The following UNC13C variants were observed in gnomAD, a reference collection of about 807,000 sequenced individuals.
UNC13C encodes unc-13 homolog C.
Under a neutral mutation model 245.4 loss-of-function variants are expected in UNC13C, and 174 were observed. The ratio of observed to expected loss-of-function variants is 0.71; its 90% CI spans 0.63 to 0.80. The LOEUF is 0.80. Among genes scored for constraint, UNC13C ranks in the 30% least tolerant of loss-of-function variants. The pLI is 0.00. For synonymous variants in UNC13C, 992 were observed against 895.1 expected, an observed-to-expected ratio of 1.11 and a Z score of -1.93; for missense variants, 2,829 against 2,602.9, an observed-to-expected ratio of 1.09 and a Z score of -1.89.
chr15:54,181,376 G>C (rs1438573091), intron 4 of UNC13C, among the ~76,000 whole-genome samples: 1 of 152,064 alleles, frequency 6.6e-6, no homozygotes, highest in Non-Finnish European at 1.5e-5. Context: ...TTTTGTACAA[G>C]TACCAAGCTG....
chr15:54,090,437 A>G (rs1267002682), intron 2 of UNC13C, among the ~76,000 whole-genome samples: 1 of 152,222 alleles, frequency 6.6e-6, no homozygotes, highest in African/African-American at 2.4e-5. Context: ...AATACTTAGT[A>G]TATTTGCTCA....
At chr15:54,131,434 T>C (rs2031408773) in intron 2 of UNC13C, among the ~76,000 whole-genome samples, 1 of 152,228 alleles carries the variant, frequency 6.6e-6, no homozygotes, top group Admixed American at 6.5e-5. Context: ...CAGTCACCCA[T>C]GGTCAACAGT....
the UNC13C span, among the ~76,000 whole-genome samples, chr15:53,861,924 C>A: frequency 6.6e-6 from 1 of 152,174 alleles, no homozygotes; most frequent in South Asian, 2.1e-4. Context: ...GTCCCTCCAA[C>A]TCAGTCCTTG....
rs185048718 is a variant in UNC13C, at chr15:54,000,567, C to T, written c.-256-12081C>T. Among the ~76,000 whole-genome samples the T allele has an allele frequency of 1.9e-3, 293 of 152,192 alleles. 1 individual carries two copies. The highest frequency in any genetic ancestry group is 6.6e-3 in the African/African-American group (273 of 41,530). ...AACATTGCTAAAATTCATAAGTCAG[C>T]CTCTTGTTCTTCACAGAGGTCTTAG... On this transcript the variant is annotated intron_variant, in intron 1 of 32. Coordinates refer to ENST00000260323, the MANE Select transcript of UNC13C (RefSeq NM_001080534.3).
chr15:54,281,156 A>G (rs1450357790), intron 10 of UNC13C, among the ~76,000 whole-genome samples: 1 of 152,198 alleles, frequency 6.6e-6, no homozygotes, highest in Non-Finnish European at 1.5e-5. Flanking sequence ...GACTGACTAT[A>G]TAAGCATTAA....
rs371863737 is a variant in UNC13C, at chr15:54,029,268, G to A, written c.2983+13382G>A. On this transcript the variant is annotated intron_variant, in intron 2 of 32. Coordinates refer to ENST00000260323, the MANE Select transcript of UNC13C (RefSeq NM_001080534.3). ...TCTGGCTTTTTAACTGTGTTGCCTC[G>A]GGGCAATTTCAACATAGGGAACCAA... is the stretch of plus-strand genomic sequence containing the variant. Among the ~76,000 whole-genome samples the A allele has an allele frequency of 3.7e-4, 56 of 152,234 alleles. No individual in the cohort carries two copies. The South Asian group carries it at 8.5e-3, about 23-fold the overall frequency.
chr15:54,330,794 G>A (rs182319693), intron 14 of UNC13C, among the ~76,000 whole-genome samples: 63 of 152,090 alleles, frequency 4.1e-4, no homozygotes, highest in Non-Finnish European at 6.3e-4. Flanking sequence ...GATCTAAGAC[G>A]TTCAACTCAT....
Position 54,462,161 on chromosome 15 carries a change from T to G in UNC13C, c.4934-32447T>G, listed in dbSNP as rs183974733. 5.9e-5 allele frequency among the ~76,000 whole-genome samples: 9 copies of G among 152,260 alleles called. No homozygotes were observed. The East Asian group carries it at 1.7e-3, about 29-fold the overall frequency. ...AAAAGAGAGGCCAAGTAGTTGAGCA[T>G]GTATATAAAAGAGAGACTACAATCA... On this transcript the variant is annotated intron_variant, in intron 19 of 32. Transcript: ENST00000260323.
At chr15:54,609,151 T>A (rs1194205870) in intron 30 of UNC13C, among the ~76,000 whole-genome samples, 5 of 152,254 alleles carry the variant, frequency 3.3e-5, no homozygotes, top group African/African-American at 1.2e-4. Context: ...CTGATTTCTT[T>A]TCATTTCATT....
intron 4 of UNC13C, among the ~76,000 whole-genome samples, chr15:54,152,241 T>C (rs1417999486): frequency 6.6e-6 from 1 of 152,146 alleles, no homozygotes; most frequent in Admixed American, 6.5e-5. Context: ...ACTTCTGGCT[T>C]TGAGTATCAC....
Position 54,029,410 on chromosome 15 carries a change from G to T in UNC13C, c.2983+13524G>T, listed in dbSNP as rs1897035. On this transcript the variant is annotated intron_variant, in intron 2 of 32. Transcript: ENST00000260323. Reference sequence around the variant, plus strand: ...TCCTTCCTTGATACTATTATGATCCGGTTCAAGTGAATTCACAATTATTTC... The same window carrying T: ...TCCTTCCTTGATACTATTATGATCCTGTTCAAGTGAATTCACAATTATTTC... Among the ~76,000 whole-genome samples the T allele has an allele frequency of 6.6e-5, 10 of 152,296 alleles. No homozygotes were observed. In the East Asian group the frequency reaches 9.6e-4, roughly 15 times the overall value.
intron 17 of UNC13C, among the ~76,000 whole-genome samples, chr15:54,364,646 C>G (rs1269197857): frequency 6.6e-6 from 1 of 152,172 alleles, no homozygotes; most frequent in Non-Finnish European, 1.5e-5. Flanking sequence ...CAAACTCACA[C>G]AAATCTAAAT....
intron 2 of UNC13C, among the ~76,000 whole-genome samples, chr15:54,083,339 G>A (rs1486924850): frequency 6.6e-6 from 1 of 152,178 alleles, no homozygotes; most frequent in Non-Finnish European, 1.5e-5. Flanking sequence ...CTGGACTCAG[G>A]GCACAGCCTC....
intron 17 of UNC13C, among the ~76,000 whole-genome samples, chr15:54,341,346 A>C (rs2038724185): frequency 6.6e-6 from 1 of 152,182 alleles, no homozygotes; most frequent in Non-Finnish European, 1.5e-5. Flanking sequence ...TAAACAAAAT[A>C]ACGCAGGAAA....
At chr15:54,489,804 C>G (rs1463099567) in intron 19 of UNC13C, among the ~76,000 whole-genome samples, 1 of 152,202 alleles carries the variant, frequency 6.6e-6, no homozygotes, top group Non-Finnish European at 1.5e-5. Flanking sequence ...GTATTTGCCA[C>G]TTAAGGGCAA....
At chr15:53,994,167 G>A (rs75429479) in intron 1 of UNC13C, among the ~76,000 whole-genome samples, 4,275 of 128,232 alleles carry the variant, frequency 0.033, 240 homozygotes, top group East Asian at 0.26. Flanking sequence ...GACGTTACAC[G>A]TATAATTTGG....
chr15:54,594,363 T>C (rs565341140), intron 30 of UNC13C, among the ~76,000 whole-genome samples: 99 of 152,014 alleles, frequency 6.5e-4, no homozygotes, highest in Non-Finnish European at 1.1e-3. Flanking sequence ...AGAAGGACCA[T>C]TGGTGGGCGA....
chr15:54,469,201 T>G (rs1249778156), intron 19 of UNC13C, among the ~76,000 whole-genome samples: 1 of 151,548 alleles, frequency 6.6e-6, no homozygotes. Flanking sequence ...TAAATGGGAT[T>G]GTGTTCTCAA....
intron 12 of UNC13C, 127 bp downstream of exon 12, chr15:54,298,053 T>G: frequency 1.5e-6 from 1 of 664,714 alleles, no homozygotes; most frequent in Non-Finnish European, 2.6e-6. Context: ...GACTCTATAC[T>G]ACAGCAGGTG....
Sources: allele counts gnomAD v4.1 joint callset (sites outside exome capture counted in the v4.1 genomes callset), GRCh38; gene constraint gnomAD v4.1.1; transcripts MANE v1.5; gene names NCBI Gene and HGNC (gene_info 2026-07-23, HGNC 2026-07-21).